The following ITGA2 variants were observed in gnomAD, a reference collection of about 807,000 sequenced individuals.
The protein encoded by ITGA2 is integrin subunit alpha 2.
ITGA2 carries 101 observed loss-of-function variants against 146.3 expected under a neutral mutation model. The observed-to-expected ratio is 0.69, with a 90% CI of 0.59 to 0.81. The LOEUF (loss-of-function observed/expected upper bound fraction) is 0.81. ITGA2 is among the 40% of genes least tolerant of loss of function. ITGA2 has a pLI of 0.00. For synonymous variants in ITGA2, 477 were observed against 487.1 expected, an observed-to-expected ratio of 0.98 and a Z score of 0.27; for missense variants, 1,281 against 1,402.7, an observed-to-expected ratio of 0.91 and a Z score of 1.39.
chr5:53,087,128 C>A, intron 28 of ITGA2, 87 bp downstream of exon 28: 1 of 873,822 alleles, frequency 1.1e-6, no homozygotes, highest in East Asian at 2.6e-5. Context: ...CTCTTCTTAC[C>A]TACATGTATG....
At chr5:53,055,852 A>G (rs1744602522) in intron 8 of ITGA2, 132 bp from the exon 9 acceptor site, 1 of 1,249,790 alleles carries the variant, frequency 8.0e-7, no homozygotes, top group Admixed American at 1.8e-5. Flanking sequence ...CTGTCTACTA[A>G]ATAAAGGGTT....
At chr5:53,013,374 C>G (rs988917215) in intron 1 of ITGA2, among the ~76,000 whole-genome samples, 65 of 141,344 alleles carry the variant, frequency 4.6e-4, no homozygotes, top group Non-Finnish European at 6.8e-4. Context: ...CTATTTCTTT[C>G]TTTTTTTTTT....
intron 27 of ITGA2, among the ~76,000 whole-genome samples, chr5:53,085,112 C>G (rs1401621703): frequency 6.6e-6 from 1 of 152,216 alleles, no homozygotes; most frequent in Non-Finnish European, 1.5e-5. Context: ...TTGCTTCCAG[C>G]AATTTAAGCA....
At chr5:53,017,910 G>A (rs1327662905) in intron 1 of ITGA2, among the ~76,000 whole-genome samples, 2 of 152,102 alleles carry the variant, frequency 1.3e-5, no homozygotes, top group African/African-American at 4.8e-5. Context: ...AGAGGCTGCG[G>A]TTGGGGAGGC....
At chr5:53,053,895 G>T (rs969273645) in intron 7 of ITGA2, among the ~76,000 whole-genome samples, 1 of 152,040 alleles carries the variant, frequency 6.6e-6, no homozygotes, top group Non-Finnish European at 1.5e-5. Flanking sequence ...ATTGTTTTAA[G>T]CACTGCGGGT....
chr5:53,064,707 A>C (rs1197401896), intron 13 of ITGA2, among the ~76,000 whole-genome samples: 1 of 151,840 alleles, frequency 6.6e-6, no homozygotes, highest in African/African-American at 2.4e-5. Context: ...ACTCCTGGCT[A>C]ACTTTTTACA....
At chr5:53,060,075 T>A (rs978449479) in intron 11 of ITGA2, 63 bp downstream of exon 11, 46 of 1,561,700 alleles carry the variant, frequency 2.9e-5, no homozygotes, top group Non-Finnish European at 1.8e-6. Flanking sequence ...CAGCTCTTTG[T>A]TGAATCTCAG....
In ITGA2 at chr5:53,078,792, A is replaced by G. The variant is rs1745774296; in HGVS notation, c.2846A>G (p.Tyr949Cys). 6.2e-7 allele frequency: 1 copy of G among 1,608,788 alleles called. No homozygotes were observed. Residue 949 changes from tyrosine to cysteine, a missense_variant, in exon 24 of 30, where the codon TAT (tyrosine) becomes TGT (cysteine). By Grantham distance (194) the Tyr-to-Cys change is radical (BLOSUM62 -2). Around this residue, in one of 3 missense-constraint regions of ITGA2, gnomAD observed 475 missense variants for 530.5 expected, o/e 0.90. Transcript: ENST00000296585. ...HLTRSTNINFYEISSDGNVPS... is the reference protein window; with the variant it reads ...HLTRSTNINFCEISSDGNVPS... ...AACAGATCTACCAACATAAATTTTT[A>G]TGAAATCTCTTCGGATGGGAATGTT...
chr5:53,018,530 A>G (rs1742511135), intron 1 of ITGA2, among the ~76,000 whole-genome samples: 1 of 148,336 alleles, frequency 6.7e-6, no homozygotes, highest in Non-Finnish European at 1.5e-5. Flanking sequence ...TCCCTCATCC[A>G]CTCTCAATGC....
intron 1 of ITGA2, among the ~76,000 whole-genome samples, chr5:53,015,585 G>A (rs1742364761): frequency 6.6e-6 from 1 of 152,044 alleles, no homozygotes; most frequent in Non-Finnish European, 1.5e-5. Flanking sequence ...GGTGTAGAAA[G>A]TTCTTAGATG....
chr5:53,073,088 C>A, intron 19 of ITGA2, 30 bp from the exon 20 acceptor site: 3 of 1,607,616 alleles, frequency 1.9e-6, no homozygotes, highest in Non-Finnish European at 2.6e-6. Context: ...ACAGTAATGG[C>A]TTTTCCCCCC....
intron 2 of ITGA2, among the ~76,000 whole-genome samples, chr5:53,029,000 G>A (rs1398760880): frequency 1.3e-5 from 2 of 152,170 alleles, no homozygotes; most frequent in Non-Finnish European, 2.9e-5. Flanking sequence ...GGCCAGGAAC[G>A]GTGGCTCATA....
chr5:53,060,871 T>A (rs3212539), intron 11 of ITGA2, 30 bp from the exon 12 acceptor site: 3 of 1,607,292 alleles, frequency 1.9e-6, no homozygotes, highest in African/African-American at 2.7e-5. Flanking sequence ...ATAGTCAATG[T>A]TAATCACTCT....
At chr5:53,052,811 A>T (rs754802682) in intron 7 of ITGA2, among the ~76,000 whole-genome samples, 2 of 152,054 alleles carry the variant, frequency 1.3e-5, no homozygotes, top group African/African-American at 2.4e-5. Flanking sequence ...TCTTCACTAA[A>T]CAGAGCCCTC....
intron 4 of ITGA2, among the ~76,000 whole-genome samples, chr5:53,047,003 T>C (rs1579848274): frequency 6.6e-6 from 1 of 152,298 alleles, no homozygotes; most frequent in East Asian, 1.9e-4. Flanking sequence ...TAGAAACCAA[T>C]AATTAGTATC....
chr5:53,013,192 G>C (rs185530871), intron 1 of ITGA2, among the ~76,000 whole-genome samples: 2 of 151,942 alleles, frequency 1.3e-5, no homozygotes, highest in Admixed American at 1.3e-4. Flanking sequence ...GTTCGGAATG[G>C]TATTTCCTTG....
intron 1 of ITGA2, among the ~76,000 whole-genome samples, chr5:52,995,783 T>C (rs946483608): frequency 1.3e-5 from 2 of 152,110 alleles, no homozygotes; most frequent in African/African-American, 4.8e-5. Context: ...TAACTGAAGA[T>C]AGGACATTAA....
chr5:53,065,436 A>G (rs991941988), intron 14 of ITGA2, among the ~76,000 whole-genome samples: 2 of 151,980 alleles, frequency 1.3e-5, no homozygotes, highest in Admixed American at 1.3e-4. Flanking sequence ...ATGAAACTAA[A>G]ATAGGAAATA....
chr5:53,025,522 T>TA (rs1235532575), intron 1 of ITGA2, among the ~76,000 whole-genome samples: 8 of 152,336 alleles, frequency 5.3e-5, no homozygotes, highest in Admixed American at 3.9e-4. Context: ...GTTAACTACT[T>TA]AAAGTCCCCG....
Sources: gnomAD v4.1 joint callset for allele counts (sites outside exome capture counted in the v4.1 genomes callset) on GRCh38, gnomAD v4.1.1 for gene constraint, gnomAD v4.1.1 regional missense constraint, MANE v1.5 for transcripts, NCBI Gene and HGNC (gene_info 2026-07-23, HGNC 2026-07-21) for gene names.